APOB: variants seen among roughly 807,000 people sequenced by gnomAD.
APOB encodes apolipoprotein B.
A neutral mutation model predicts 314.1 loss-of-function variants in APOB; 153 were observed. That is an observed-to-expected ratio of 0.49 (90% CI 0.43 to 0.56). The LOEUF (loss-of-function observed/expected upper bound fraction) is 0.56. Ranked by LOEUF, APOB falls within the 20% of genes least tolerant of loss-of-function variation. The pLI is 0.00. For missense variants in APOB, 5,430 were observed against 5,350.7 expected (o/e 1.01, Z -0.46); for synonymous variants, 2,087 against 2,036.4 (o/e 1.02, Z -0.67).
chr2:21,028,518 C>A lies in APOB; in HGVS notation c.1638G>T (p.Gln546His). Residue 546 changes from glutamine to histidine, a missense_variant, in exon 13 of 29, where the codon CAG becomes CAT. By Grantham distance (24) the Gln-to-His change is conservative. Around this residue, in one of 3 missense-constraint regions of APOB, gnomAD observed 2,085 missense variants for 2,079.7 expected, o/e 1.00. Coordinates refer to ENST00000233242, the MANE Select transcript of APOB (RefSeq NM_000384.3). ...CCGGAGAAGCATCATCAAGGAAAGT[C>A]TGAAGAAGAACCTCCTGGTCCTGCA... is the stretch of plus-strand genomic sequence containing the variant. ...PKDKDQEVLL[Q>H]TFLDDASPGD... is the part of the protein sequence containing the mutation. 1 of 1,613,022 alleles carries A rather than the reference C, an allele frequency of 6.2e-7. No individual in the cohort carries two copies. Among genetic ancestry groups the A allele is most frequent in the African/African-American group, 1.3e-5 (1 of 75,056 alleles).
In APOB at chr2:21,019,072, T is replaced by C; in HGVS notation, c.3041A>G (p.Tyr1014Cys). 6.2e-7 allele frequency: 1 copy of C among 1,614,052 alleles called. No individual in the cohort carries two copies. Among genetic ancestry groups the C allele is most frequent in the Non-Finnish European group, 8.5e-7 (1 of 1,179,992 alleles). ...GAGCTCATAGGTTGCGCTGACAGAA[T>C]ACTGCTCAATCTCTCCTGTAGGCCT... is the stretch of plus-strand genomic sequence containing the variant. ...ELRPTGEIEQ[Y>C]SVSATYELQR... The change falls in exon 20 of 29, where the codon TAT becomes TGT. Residue 1014 changes from tyrosine to cysteine, a missense_variant. By Grantham distance (194) the Tyr-to-Cys change is radical (BLOSUM62 -2). Around this residue, in one of 3 missense-constraint regions of APOB, gnomAD observed 2,085 missense variants for 2,079.7 expected, o/e 1.00. Transcript: ENST00000233242.
chr2:21,008,399 A>C lies in APOB; in HGVS notation c.8469T>G (p.Ala2823=). Residue 2823 remains alanine, a synonymous_variant, in exon 26 of 29, where the codon GCT becomes GCG. Coordinates refer to ENST00000233242, the MANE Select transcript of APOB (RefSeq NM_000384.3). The stretch of plus-strand genomic sequence containing the variant: ...TGGAGAACTTCACTGACTCCTTCAG[A>C]GCCAGCGGATTAATCTTAGGGTTTG... The part of the protein sequence containing the change: ...QLSNPKINPL[A]LKESVKFSSK... 2.5e-6 allele frequency: 4 copies of C among 1,614,056 alleles called. No individual in the cohort carries two copies. In the African/African-American group the frequency reaches 5.3e-5, roughly 22 times the overall value.
rs1663779526 is a variant in APOB, at chr2:21,028,000, T to A, written c.1895A>T (p.Lys632Ile). Reference protein sequence around the residue: ...SQLPTVMDFRKFSRNYQLYKS... With the variant: ...SQLPTVMDFRIFSRNYQLYKS... ...GTAGAGTTGATAGTTCCGAGAGAAT[T>A]TTCTGAAGTCCATGACAGTTGGAAG... Residue 632 changes from lysine (K) to isoleucine (I), a missense_variant, in exon 14 of 29, where the codon AAA becomes ATA. Physicochemically the swap from Lys to Ile is moderately radical, Grantham distance 102. This residue lies in a region of APOB where 2,085 missense variants were observed against 2,079.7 expected (regional missense o/e 1.00). Transcript: ENST00000233242. The A allele has an allele frequency of 6.2e-7, 1 of 1,614,070 alleles. No individual in the cohort carries two copies. The highest frequency in any genetic ancestry group is 8.5e-7 in the Non-Finnish European group (1 of 1,180,010).
chr2:21,016,742 T>C, intron 20 of APOB, 93 bp from the exon 21 acceptor site: 1 of 827,316 alleles, frequency 1.2e-6, no homozygotes, highest in South Asian at 1.4e-5. Context: ...CCCAGCACTT[T>C]GGGAGGCCAA....
Position 21,025,055 on chromosome 2 carries a change from C to T in APOB, c.2314G>A (p.Glu772Lys). ...IKDLKSKEVPEARAYLRILGE... is the reference protein window; with the variant it reads ...IKDLKSKEVPKARAYLRILGE... Reference sequence around the variant, plus strand: ...AAGATGCGGAGGTAGGCTCTGGCTTCCGGGACTTCTTTGGATTTCAAATCT... The same window carrying T: ...AAGATGCGGAGGTAGGCTCTGGCTTTCGGGACTTCTTTGGATTTCAAATCT... The change falls in exon 16 of 29, where the codon GAA becomes AAA. Residue 772 changes from glutamate (E) to lysine (K), a missense_variant. Transcript: ENST00000233242. 6.2e-7 allele frequency: 1 copy of T among 1,614,230 alleles called. No homozygotes were observed. The highest frequency in any genetic ancestry group is 8.5e-7 in the Non-Finnish European group (1 of 1,180,050).
At chr2:21,032,940 G>A (rs1423501956) in intron 9 of APOB, among the ~76,000 whole-genome samples, 3 of 152,132 alleles carry the variant, frequency 2.0e-5, no homozygotes, top group African/African-American at 7.2e-5. Context: ...GCCTTGAAGG[G>A]TAGAGAAATC....
rs762667000 is a variant in APOB, at chr2:21,038,100, T to G, written c.395A>C (p.Lys132Thr). The G allele has an allele frequency of 2.5e-6, 4 of 1,614,082 alleles. No homozygotes were observed. The South Asian group carries it at 4.4e-5, about 18-fold the overall frequency. Residue 132 changes from lysine to threonine, a missense_variant, in exon 5 of 29, where the codon AAG becomes ACG. Transcript: ENST00000233242. ...CTGCTTCCCTTCTGGAATGGCCAGCTTGAGCTCATACCTGTCCCAGAGAGA... is the reference window on the plus strand; with the variant it reads ...CTGCTTCCCTTCTGGAATGGCCAGCGTGAGCTCATACCTGTCCCAGAGAGA... The part of the protein sequence containing the change: ...FAAAMSRYEL[K>T]LAIPEGKQVF...
In APOB at chr2:21,001,854, A is replaced by G; in HGVS notation, c.13568T>C (p.Leu4523Pro). The G allele has an allele frequency of 1.2e-6, 2 of 1,614,066 alleles. No individual in the cohort carries two copies. Among genetic ancestry groups the G allele is most frequent in the Non-Finnish European group, 8.5e-7 (1 of 1,179,964 alleles). Residue 4523 changes from leucine (L) to proline (P), a missense_variant, in exon 29 of 29, where the codon CTG becomes CCG. Around this residue, in one of 3 missense-constraint regions of APOB, gnomAD observed 3,281 missense variants for 3,171.0 expected, o/e 1.03. Transcript: ENST00000233242. ...AAATGTGTGGTAGTTTTGAATGGAC[A>G]GGTCAATCAATCTTTTGGATTCAGC... ...FIAESKRLID[L>P]SIQNYHTFLI... is the part of the protein sequence containing the mutation.
chr2:21,013,566 G>A, intron 24 of APOB, 33 bp from the exon 25 acceptor site: 1 of 1,613,346 alleles, frequency 6.2e-7, no homozygotes, highest in Non-Finnish European at 8.5e-7. Flanking sequence ...CATCCCCACA[G>A]TCAGACATCA....
rs1450349686 is a variant in APOB at position 21,008,404 on chromosome 2, G to T, written c.8464C>A (p.Leu2822Met). The T allele has an allele frequency of 6.2e-7, 1 of 1,614,036 alleles. No individual in the cohort carries two copies. Among genetic ancestry groups the T allele is most frequent in the Admixed American group, 1.7e-5 (1 of 60,002 alleles). The part of the protein sequence containing the change: ...AQLSNPKINP[L>M]ALKESVKFSS... The stretch of plus-strand genomic sequence containing the variant: ...AACTTCACTGACTCCTTCAGAGCCA[G>T]CGGATTAATCTTAGGGTTTGAGAGT... The change falls in exon 26 of 29, where the codon CTG becomes ATG. Residue 2822 changes from leucine (L) to methionine (M), a missense_variant. This residue lies in a region of APOB where 3,281 missense variants were observed against 3,171.0 expected (regional missense o/e 1.03). Coordinates refer to ENST00000233242, the MANE Select transcript of APOB (RefSeq NM_000384.3).
chr2:21,008,405 C>A lies in APOB; in HGVS notation c.8463G>T (p.Pro2821=), dbSNP rs771976472. ...ACTTCACTGACTCCTTCAGAGCCAG[C>A]GGATTAATCTTAGGGTTTGAGAGTT... is the stretch of plus-strand genomic sequence containing the variant. ...NAQLSNPKIN[P]LALKESVKFS... Residue 2821 remains proline (P), a synonymous_variant, in exon 26 of 29, where the codon CCG becomes CCT. Coordinates refer to ENST00000233242, the MANE Select transcript of APOB (RefSeq NM_000384.3). 5.0e-6 allele frequency: 8 copies of A among 1,613,964 alleles called. No individual in the cohort carries two copies. The highest frequency in any genetic ancestry group is 1.1e-5 in the South Asian group (1 of 91,074).
intron 16 of APOB, 88 bp downstream of exon 16, chr2:21,024,845 T>C (rs1433403980): frequency 7.2e-7 from 1 of 1,393,222 alleles, no homozygotes. Context: ...TTCGGGCTTG[T>C]GCAGCTGGGA....
At position 21,029,642 on chromosome 2, in the gene APOB, G is replaced by T. The variant is rs1663826977; in HGVS notation, c.1614C>A (p.Asp538Glu). 1 of 1,614,050 alleles carries T rather than the reference G, an allele frequency of 6.2e-7. No individual in the cohort carries two copies. The highest frequency in any genetic ancestry group is 1.3e-5 in the African/African-American group (1 of 74,930). ...IQALRKMEPK[D>E]KDQEVLLQTF... ...GACCTCTTCTTGTGGACTTTACCTTGTCTTTAGGCTCCATTTTCCGCAGAG... is the reference window on the plus strand; with the variant it reads ...GACCTCTTCTTGTGGACTTTACCTTTTCTTTAGGCTCCATTTTCCGCAGAG... The change falls in exon 12 of 29, where the codon GAC (aspartate) becomes GAA (glutamate). Residue 538 changes from aspartate to glutamate, a missense_variant. Coordinates refer to ENST00000233242, the MANE Select transcript of APOB (RefSeq NM_000384.3).
In APOB at chr2:21,016,612, A is replaced by G. The variant is rs776554086; in HGVS notation, c.3159T>C (p.Tyr1053=). 6.2e-7 allele frequency: 1 copy of G among 1,612,102 alleles called. No individual in the cohort carries two copies. Residue 1053 remains tyrosine (Y), a synonymous_variant, in exon 21 of 29, where the codon TAT becomes TAC. Coordinates refer to ENST00000233242, the MANE Select transcript of APOB (RefSeq NM_000384.3). Reference sequence around the variant, plus strand: ...TGGACAAGGTCATACTCTGCCGATTATATTTGAATGTCATGGTAGCCTCAG... The same window carrying G: ...TGGACAAGGTCATACTCTGCCGATTGTATTTGAATGTCATGGTAGCCTCAG... ...KQTEATMTFK[Y]NRQSMTLSSE... is the part of the protein sequence containing the mutation.
intron 20 of APOB, among the ~76,000 whole-genome samples, chr2:21,017,964 T>G (rs1663518141): frequency 1.3e-5 from 2 of 152,104 alleles, no homozygotes; most frequent in African/African-American, 4.8e-5. Flanking sequence ...CTATATAATT[T>G]TTTTTCCAAA....
intron 9 of APOB, 64 bp from the exon 10 acceptor site, chr2:21,032,645 T>G: frequency 7.7e-7 from 1 of 1,303,146 alleles, no homozygotes; most frequent in Non-Finnish European, 1.1e-6. Flanking sequence ...ATATTGCTCA[T>G]GGTGTGTCCT....
chr2:21,025,330 G>A (rs1663704137), intron 15 of APOB, among the ~76,000 whole-genome samples: 1 of 152,118 alleles, frequency 6.6e-6, no homozygotes, highest in Non-Finnish European at 1.5e-5. Context: ...CACTCCTAAA[G>A]CTATTCTTAA....
chr2:21,024,253 A>C (rs1422429473), intron 16 of APOB: 1 of 152,448 alleles, frequency 6.6e-6, no homozygotes, highest in African/African-American at 2.4e-5. Context: ...TAAAAATTAT[A>C]GCATATTTAG....
chr2:21,018,993 T>C lies in APOB; in HGVS notation c.3120A>G (p.Glu1040=). ...VDTLKFVTQA[E]GAKQTEATMT... Reference sequence around the variant, plus strand: ...GGCAGCTGTGTTTTGAATACTCACCTTCTGCTTGAGTTACAAACTTCAGGG... The same window carrying C: ...GGCAGCTGTGTTTTGAATACTCACCCTCTGCTTGAGTTACAAACTTCAGGG... Residue 1040 remains glutamate, a splice_region_variant and synonymous_variant, in exon 20 of 29, where the codon GAA becomes GAG. Transcript: ENST00000233242. The C allele has an allele frequency of 6.2e-7, 1 of 1,614,028 alleles. No homozygotes were observed. Among genetic ancestry groups the C allele is most frequent in the Non-Finnish European group, 8.5e-7 (1 of 1,179,972 alleles).
Sources: allele counts gnomAD v4.1 joint callset (sites outside exome capture counted in the v4.1 genomes callset), GRCh38; gene constraint gnomAD v4.1.1; regional missense constraint gnomAD v4.1.1; transcripts MANE v1.5; gene names NCBI Gene and HGNC (gene_info 2026-07-23, HGNC 2026-07-21).